Variants in USP50 observed in about 807,000 individuals in gnomAD.
The protein encoded by USP50 is ubiquitin carboxyl-terminal hydrolase 50.
In USP50, 37 loss-of-function variants were observed where a neutral mutation model predicts 39.2. The ratio of observed to expected loss-of-function variants is 0.94; its 90% CI spans 0.73 to 1.24. The LOEUF is 1.24. Among genes scored for constraint, USP50 ranks in the 50% most tolerant of loss-of-function variants. The probability of loss-of-function intolerance (pLI) is 0.00; values close to 1 mark genes in which losing one functional copy is unlikely to be tolerated. For missense variants in USP50, 374 were observed against 398.2 expected (o/e 0.94, Z 0.52); for synonymous variants, 139 against 144.5 (o/e 0.96, Z 0.27).
intron 3 of USP50, among the ~76,000 whole-genome samples, chr15:50,542,099 G>A (rs1025284481): frequency 6.6e-6 from 1 of 151,854 alleles, no homozygotes. Flanking sequence ...AGGCAGCCTG[G>A]TGGAACTAGC....
intron 5 of USP50, among the ~76,000 whole-genome samples, chr15:50,537,466 A>C (rs1249593298): frequency 6.6e-6 from 1 of 152,070 alleles, no homozygotes; most frequent in Non-Finnish European, 1.5e-5. Context: ...TTACAGTCAA[A>C]ATTTTCTGCT....
chr15:50,542,037 AG>A (rs2053033472), intron 3 of USP50, among the ~76,000 whole-genome samples: 1 of 134,574 alleles, frequency 7.4e-6, no homozygotes, highest in South Asian at 2.5e-4. Context: ...TGTCTCTACA[AG>A]GTTAATTAAA....
At chr15:50,493,975 G>A, downstream of USP50, 1 of 1,343,476 alleles carries the variant, frequency 7.4e-7, no homozygotes, top group Non-Finnish European at 1.1e-6. Context: ...GCTACAGTAT[G>A]TGAATAATTT....
At chr15:50,506,630 A>T (rs575395260) in intron 6 of USP50, 28 of 152,260 alleles carry the variant, frequency 1.8e-4, no homozygotes, top group African/African-American at 5.8e-4. Context: ...AATATATGGG[A>T]TGTAGTAAAT....
chr15:50,508,514 T>C (rs1021232230), intron 6 of USP50: 1 of 152,194 alleles, frequency 6.6e-6, no homozygotes, highest in African/African-American at 2.4e-5. Context: ...TAAATACTTA[T>C]ATCTTAAAGG....
intron 5 of USP50, among the ~76,000 whole-genome samples, chr15:50,533,018 A>G (rs1596017337): frequency 6.6e-6 from 1 of 152,074 alleles, no homozygotes; most frequent in Admixed American, 6.6e-5. Flanking sequence ...AAGAAAAAAG[A>G]CTGGCCGGTC....
At chr15:50,525,600 G>A (rs932762175) in intron 6 of USP50, among the ~76,000 whole-genome samples, 3 of 142,846 alleles carry the variant, frequency 2.1e-5, no homozygotes, top group Non-Finnish European at 4.5e-5. Context: ...ATGTATATAT[G>A]TATATGTATA....
intron 1 of USP50, among the ~76,000 whole-genome samples, chr15:50,495,485 GA>G (rs879909457): frequency 0.022 from 2,170 of 98,650 alleles, 38 homozygotes; most frequent in Admixed American, 0.031. Context: ...GTAGAGATTG[GA>G]GGGGGGGGTC....
At chr15:50,494,190 G>C (rs772158668) in intron 1 of USP50, 13 of 1,613,930 alleles carry the variant, frequency 8.1e-6, no homozygotes, top group Non-Finnish European at 9.3e-6. Flanking sequence ...CCATTGGGAA[G>C]ATCAATGACC....
intron 6 of USP50, among the ~76,000 whole-genome samples, chr15:50,523,399 C>A (rs1266235140): frequency 6.6e-6 from 1 of 151,656 alleles, no homozygotes; most frequent in African/African-American, 2.4e-5. Context: ...TCTTGAACTC[C>A]CGGACTCAAG....
At chr15:50,540,737 G>A (rs568294845) in intron 4 of USP50, among the ~76,000 whole-genome samples, 175 of 152,028 alleles carry the variant, frequency 1.2e-3, no homozygotes, top group Middle Eastern at 3.4e-3. Flanking sequence ...GATTCTTATG[G>A]CTCAGTCTCC....
At chr15:50,521,505 A>T (rs570928233) in intron 6 of USP50, among the ~76,000 whole-genome samples, 13 of 152,366 alleles carry the variant, frequency 8.5e-5, no homozygotes, top group Admixed American at 2.0e-4. Context: ...GAACAGACGA[A>T]GCCCAAAATT....
chr15:50,512,078 G>A (rs1177129912), intron 6 of USP50: 1 of 152,148 alleles, frequency 6.6e-6, no homozygotes, highest in African/African-American at 2.4e-5. Context: ...CAGGAGAAGT[G>A]GTTCATGCCT....
At position 50,543,745 on chromosome 15, in the gene USP50, C is replaced by T. The variant is rs2053048585; in HGVS notation, c.297G>A (p.Met99Ile). The T allele has an allele frequency of 1.2e-6, 2 of 1,610,202 alleles. No individual in the cohort carries two copies. The highest frequency in any genetic ancestry group is 2.2e-5 in the South Asian group (2 of 90,362). ...ATAFAYLMTD[M>I]WLGDSDCVSP... ...AGACACAGTCTGAGTCTCCCAGCCA[C>T]ATGTCTGTCATCAGATAGGCAAAAG... is the stretch of plus-strand genomic sequence containing the variant. Residue 99 changes from methionine (M) to isoleucine (I), a missense_variant, in exon 3 of 7, where the codon ATG (methionine) becomes ATA (isoleucine). Transcript: ENST00000532404.
At chr15:50,545,522 A>ATATATATTAAGATTGTCTC (rs1481441663) in intron 1 of USP50, among the ~76,000 whole-genome samples, 1 of 151,222 alleles carries the variant, frequency 6.6e-6, no homozygotes, top group Non-Finnish European at 1.5e-5. Context: ...AAGATTGTCT[A>ATATATATTAAGATTGTCTC]TATATATTAA....
chr15:50,496,947 A>C, downstream of USP50: 1 of 1,063,548 alleles, frequency 9.4e-7, no homozygotes, highest in Non-Finnish European at 1.3e-6. Context: ...ACTAGATCAC[A>C]AGCTTTGGGA....
At chr15:50,518,413 C>T (rs951542982) in intron 6 of USP50, among the ~76,000 whole-genome samples, 15 of 151,628 alleles carry the variant, frequency 9.9e-5, no homozygotes, top group East Asian at 7.8e-4. Flanking sequence ...TTAGTAGAGA[C>T]GGGGTTTCAC....
intron 4 of USP50, 72 bp from the exon 5 acceptor site, chr15:50,538,923 A>G (rs1312528306): frequency 2.1e-5 from 31 of 1,479,634 alleles, no homozygotes; most frequent in Non-Finnish European, 2.7e-5. Context: ...TTCTATTGGA[A>G]CTTTGCAAAT....
At chr15:50,493,803 C>A, downstream of USP50, 1 of 591,990 alleles carries the variant, frequency 1.7e-6, no homozygotes, top group Admixed American at 2.3e-5. Flanking sequence ...GAGAGCAGTG[C>A]CAGAAGGCAG....
Sources: gnomAD v4.1 joint callset for allele counts (sites outside exome capture counted in the v4.1 genomes callset) on GRCh38, gnomAD v4.1.1 for gene constraint, MANE v1.5 for transcripts, NCBI Gene and HGNC (gene_info 2026-07-23, HGNC 2026-07-21) for gene names.